IL1RAPL1: variants seen among roughly 807,000 people sequenced by gnomAD.
The protein encoded by IL1RAPL1 is interleukin 1 receptor accessory protein like 1.
IL1RAPL1 carries 3 observed loss-of-function variants against 48.4 expected under a neutral mutation model. That is an observed-to-expected ratio of 0.06 (90% confidence interval 0.03 to 0.16). The LOEUF (loss-of-function observed/expected upper bound fraction) is 0.16. Among genes scored for constraint, IL1RAPL1 ranks in the 10% least tolerant of loss-of-function variants. The pLI is 1.00. For missense variants in IL1RAPL1, 349 were observed against 530.6 expected (o/e 0.66, Z 3.36); for synonymous variants, 185 against 187.7 (o/e 0.99, Z 0.12).
At chrX:29,524,144 A>C in intron 5 of IL1RAPL1, among the ~76,000 whole-genome samples, 1 of 106,481 alleles carries the variant, frequency 9.4e-6, no homozygotes, top group African/African-American at 3.4e-5. Context: ...ATGTAGGACA[A>C]TGCTTTAAGT....
chrX:29,914,063 A>G (rs938915719), intron 6 of IL1RAPL1, among the ~76,000 whole-genome samples: 2 of 111,494 alleles, frequency 1.8e-5, no homozygotes, highest in African/African-American at 6.5e-5. Context: ...ACCCACAGCA[A>G]GCCCATCTCA....
At chrX:29,390,555 A>G (rs991679628) in intron 3 of IL1RAPL1, among the ~76,000 whole-genome samples, 1 of 111,788 alleles carries the variant, frequency 8.9e-6, no homozygotes, top group African/African-American at 3.3e-5. Context: ...GGATTAGCAG[A>G]ATATACAGGT....
At chrX:29,914,546 A>T (rs1162806394) in intron 6 of IL1RAPL1, among the ~76,000 whole-genome samples, 1 of 111,801 alleles carries the variant, frequency 8.9e-6, no homozygotes, top group Non-Finnish European at 1.9e-5. Flanking sequence ...AAGACAGTAT[A>T]AATTATTAAT....
At chrX:29,064,542 TTTG>T (rs1258775761) in intron 2 of IL1RAPL1, among the ~76,000 whole-genome samples, 1 of 107,613 alleles carries the variant, frequency 9.3e-6, no homozygotes. Context: ...AGTAGATTTT[TTTG>T]TTGTTGTTTT....
chrX:29,080,962 T>G (rs1240564822), intron 2 of IL1RAPL1, among the ~76,000 whole-genome samples: 1 of 41,223 alleles, frequency 2.4e-5, no homozygotes, highest in African/African-American at 1.2e-4. Flanking sequence ...CTTTCTTTCT[T>G]TCTTTCTTTC....
At chrX:29,766,342 A>AAAATATAT (rs1200679211) in intron 6 of IL1RAPL1, among the ~76,000 whole-genome samples, 1 of 47,542 alleles carries the variant, frequency 2.1e-5, no homozygotes, top group African/African-American at 9.0e-5. Context: ...AAAAAAAAAA[A>AAAATATAT]ATATATATAT....
chrX:29,075,596 T>C (rs755642637), intron 2 of IL1RAPL1, among the ~76,000 whole-genome samples: 5 of 112,033 alleles, frequency 4.5e-5, no homozygotes, highest in African/African-American at 1.6e-4. Context: ...CTTGCAATTT[T>C]CTCATCAAAC....
At chrX:29,062,548 A>C (rs764589694) in intron 2 of IL1RAPL1, among the ~76,000 whole-genome samples, 1 of 112,250 alleles carries the variant, frequency 8.9e-6, no homozygotes, top group East Asian at 2.8e-4. Context: ...CATTTTCTTA[A>C]AGTAGTAATT....
At chrX:29,182,905 A>C (rs1602100216) in intron 2 of IL1RAPL1, among the ~76,000 whole-genome samples, 2 of 111,254 alleles carry the variant, frequency 1.8e-5, no homozygotes, top group Non-Finnish European at 3.8e-5. Context: ...TTAGAGTCAG[A>C]GAGGATGAGA....
At chrX:29,651,581 G>A (rs112618048) in intron 5 of IL1RAPL1, among the ~76,000 whole-genome samples, 16,280 of 110,991 alleles carry the variant, frequency 0.15, 1,331 homozygotes, top group African/African-American at 0.31. Flanking sequence ...ATCTCAAAAA[G>A]GTAGAACTTT....
chrX:28,993,123 A>G (rs1925650101), intron 2 of IL1RAPL1, among the ~76,000 whole-genome samples: 1 of 112,079 alleles, frequency 8.9e-6, no homozygotes, highest in African/African-American at 3.2e-5. Context: ...ATTGCGAGTA[A>G]AGGGTATATG....
intron 3 of IL1RAPL1, among the ~76,000 whole-genome samples, chrX:29,319,160 G>GCCTGTCTGTCTATCTATCTATCTATCTA (rs1555990506): frequency 4.0e-4 from 34 of 84,988 alleles, no homozygotes; most frequent in Non-Finnish European, 6.0e-4. Context: ...CTATCTGTCT[G>GCCTGTCTGTCTATCTATCTATCTATCTA]TCTATCTATC....
At chrX:29,436,176 T>C (rs1418007847) in intron 5 of IL1RAPL1, among the ~76,000 whole-genome samples, 1 of 109,925 alleles carries the variant, frequency 9.1e-6, no homozygotes, top group Non-Finnish European at 1.9e-5. Context: ...TAAAATGATA[T>C]GGGGAAGAAG....
chrX:29,168,720 A>G (rs1489692678), intron 2 of IL1RAPL1, among the ~76,000 whole-genome samples: 5 of 86,000 alleles, frequency 5.8e-5, no homozygotes, highest in African/African-American at 1.8e-4. Flanking sequence ...CATATGTACA[A>G]TTGTATATAT....
intron 2 of IL1RAPL1, among the ~76,000 whole-genome samples, chrX:29,018,334 G>A (rs1263741591): frequency 8.9e-6 from 1 of 112,047 alleles, no homozygotes; most frequent in East Asian, 2.8e-4. Flanking sequence ...ATTCATGCAT[G>A]CATTTGCAAA....
At chrX:29,913,090 A>G (rs746652196) in intron 6 of IL1RAPL1, among the ~76,000 whole-genome samples, 4 of 111,165 alleles carry the variant, frequency 3.6e-5, no homozygotes, top group African/African-American at 9.8e-5. Flanking sequence ...GTACCTGGTG[A>G]ATCCAGCTTT....
intron 6 of IL1RAPL1, among the ~76,000 whole-genome samples, chrX:29,908,581 A>C (rs1406272588): frequency 9.0e-6 from 1 of 110,717 alleles, no homozygotes; most frequent in Non-Finnish European, 1.9e-5. Flanking sequence ...ACTCCATTTG[A>C]TCTATAGGAT....
At chrX:29,338,645 C>G (rs750439921) in intron 3 of IL1RAPL1, among the ~76,000 whole-genome samples, 18 of 111,311 alleles carry the variant, frequency 1.6e-4, no homozygotes, top group Non-Finnish European at 3.4e-4. Context: ...AATCCGGGAG[C>G]TCAGTTGATA....
chrX:29,855,719 G>GT (rs200427350), intron 6 of IL1RAPL1, among the ~76,000 whole-genome samples: 4,727 of 105,559 alleles, frequency 0.045, 270 homozygotes, highest in African/African-American at 0.15. Flanking sequence ...CCAATTTTGG[G>GT]TTTTTTTTTT....
Sources: gnomAD v4.1 joint callset for allele counts (sites outside exome capture counted in the v4.1 genomes callset) on GRCh38, gnomAD v4.1.1 for gene constraint, MANE v1.5 for transcripts, NCBI Gene and HGNC (gene_info 2026-07-23, HGNC 2026-07-21) for gene names.